KCNK2: variants seen among roughly 807,000 people sequenced by gnomAD.
KCNK2 encodes the protein potassium two pore domain channel subfamily K member 2, also known as potassium channel subfamily K member 2.
KCNK2 carries 21 observed loss-of-function variants against 40.5 expected under a neutral mutation model. The observed-to-expected ratio is 0.52, with a 90% CI of 0.37 to 0.75. The LOEUF is 0.75. KCNK2 is among the 30% of genes least tolerant of loss of function. The pLI is 0.00. For missense variants in KCNK2, 399 were observed against 531.6 expected, an observed-to-expected ratio of 0.75 and a Z score of 2.45; for synonymous variants, 191 against 202.2, an observed-to-expected ratio of 0.94 and a Z score of 0.47.
intron 6 of KCNK2, among the ~76,000 whole-genome samples, chr1:215,205,676 C>A (rs1275250997): frequency 6.6e-6 from 1 of 152,154 alleles, no homozygotes; most frequent in Non-Finnish European, 1.5e-5. Flanking sequence ...CCCCTGCTGA[C>A]TTGTTGTGGA....
At chr1:215,234,109 C>T (rs1044909058) in intron 6 of KCNK2, among the ~76,000 whole-genome samples, 4 of 152,184 alleles carry the variant, frequency 2.6e-5, no homozygotes, top group South Asian at 2.1e-4. Context: ...AGTAACTTCA[C>T]GGATTCCACA....
chr1:215,121,105 A>G (rs1053451320), intron 2 of KCNK2, among the ~76,000 whole-genome samples: 3 of 152,198 alleles, frequency 2.0e-5, no homozygotes, highest in Admixed American at 2.0e-4. Flanking sequence ...AAAATCAATA[A>G]TATATAGCTA....
At chr1:215,140,511 C>T (rs1186867749) in intron 3 of KCNK2, among the ~76,000 whole-genome samples, 1 of 152,184 alleles carries the variant, frequency 6.6e-6, no homozygotes, top group Non-Finnish European at 1.5e-5. Context: ...TTCTAGGCTA[C>T]AGACAGGTGC....
At chr1:215,193,588 C>G (rs570068745) in intron 5 of KCNK2, among the ~76,000 whole-genome samples, 1 of 152,130 alleles carries the variant, frequency 6.6e-6, no homozygotes, top group Non-Finnish European at 1.5e-5. Context: ...TTCTTGCCAT[C>G]TCTGCCCTAT....
At chr1:215,134,231 C>A (rs577537468) in intron 3 of KCNK2, among the ~76,000 whole-genome samples, 1 of 152,240 alleles carries the variant, frequency 6.6e-6, no homozygotes, top group East Asian at 1.9e-4. Flanking sequence ...TACTTCAATT[C>A]AATTCTGACA....
At chr1:215,165,386 C>T (rs1211905015) in intron 3 of KCNK2, among the ~76,000 whole-genome samples, 1 of 152,084 alleles carries the variant, frequency 6.6e-6, no homozygotes, top group Non-Finnish European at 1.5e-5. Context: ...GCCATTGTCC[C>T]TTATAAAGAA....
At chr1:215,144,385 G>A (rs1662322317) in intron 3 of KCNK2, among the ~76,000 whole-genome samples, 1 of 152,074 alleles carries the variant, frequency 6.6e-6, no homozygotes. Flanking sequence ...TTCAGGATCT[G>A]TATAGTTACA....
intron 3 of KCNK2, among the ~76,000 whole-genome samples, chr1:215,134,488 T>C (rs1571650690): frequency 6.6e-6 from 1 of 152,208 alleles, no homozygotes; most frequent in African/African-American, 2.4e-5. Context: ...ACAACCTCTC[T>C]GGGATACATC....
upstream of KCNK2, chr1:215,005,783 C>A: frequency 1.4e-6 from 1 of 731,608 alleles, no homozygotes; most frequent in Non-Finnish European, 2.4e-6. Flanking sequence ...GTAACATTCA[C>A]ACACAAAAAG....
intron 1 of KCNK2, among the ~76,000 whole-genome samples, chr1:215,007,287 A>T (rs927757203): frequency 2.8e-5 from 4 of 141,326 alleles, no homozygotes; most frequent in African/African-American, 1.1e-4. Flanking sequence ...GGGACTTGGG[A>T]TCAGCACTTC....
At position 215,235,275 on chromosome 1, in the gene KCNK2, T is replaced by C. The variant is rs1666835633; in HGVS notation, c.*130T>C. 8.8e-6 allele frequency: 6 copies of C among 685,698 alleles called. No individual in the cohort carries two copies. Among genetic ancestry groups the C allele is most frequent in the Non-Finnish European group, 1.4e-5 (6 of 418,574 alleles). 42.5% of individuals were successfully genotyped at this position (685,698 alleles called of 1,614,324 possible). ...GGGAACAAAATAGATACACCCATCATGGTCATCTATCATCAAGAGAATTTG... is the reference window on the plus strand; with the variant it reads ...GGGAACAAAATAGATACACCCATCACGGTCATCTATCATCAAGAGAATTTG... On this transcript the variant is annotated 3_prime_UTR_variant, in exon 7 of 7. Transcript: ENST00000444842.
chr1:215,209,437 A>ATATAT (rs1335692557), intron 6 of KCNK2, among the ~76,000 whole-genome samples: 2 of 10,858 alleles, frequency 1.8e-4, no homozygotes, highest in Non-Finnish European at 3.4e-4. Flanking sequence ...ATATAATATA[A>ATATAT]AATATATAAT....
At chr1:215,135,216 C>T (rs919710471) in intron 3 of KCNK2, among the ~76,000 whole-genome samples, 1 of 152,084 alleles carries the variant, frequency 6.6e-6, no homozygotes, top group Admixed American at 6.5e-5. Flanking sequence ...CATCAGATTT[C>T]ACTTCAGAAA....
intron 1 of KCNK2, among the ~76,000 whole-genome samples, chr1:215,072,446 A>C (rs1658791317): frequency 6.6e-6 from 1 of 152,222 alleles, no homozygotes; most frequent in Non-Finnish European, 1.5e-5. Flanking sequence ...ATTTGCCATA[A>C]ACAATGTTTA....
At chr1:215,069,253 T>C (rs1266597878) in intron 1 of KCNK2, among the ~76,000 whole-genome samples, 1 of 152,220 alleles carries the variant, frequency 6.6e-6, no homozygotes, top group African/African-American at 2.4e-5. Flanking sequence ...GTTGGCCGCA[T>C]CCTGGTAAGG....
chr1:215,132,642 G>T (rs1331455218), intron 3 of KCNK2, among the ~76,000 whole-genome samples: 1 of 151,922 alleles, frequency 6.6e-6, no homozygotes, highest in Non-Finnish European at 1.5e-5. Flanking sequence ...TTTATTTTGT[G>T]TTATTTATCC....
intron 6 of KCNK2, among the ~76,000 whole-genome samples, chr1:215,218,991 T>C (rs1398185547): frequency 6.6e-6 from 1 of 152,220 alleles, no homozygotes; most frequent in Non-Finnish European, 1.5e-5. Context: ...AGAAATGTGA[T>C]TTGTATGCTT....
At chr1:215,031,702 A>G (rs1009617292) in intron 1 of KCNK2, among the ~76,000 whole-genome samples, 4 of 152,190 alleles carry the variant, frequency 2.6e-5, no homozygotes, top group Admixed American at 6.5e-5. Flanking sequence ...TTTAATTTCA[A>G]ATTCCACTTG....
chr1:215,233,137 T>C (rs1284925321), intron 6 of KCNK2, among the ~76,000 whole-genome samples: 1 of 152,114 alleles, frequency 6.6e-6, no homozygotes. Flanking sequence ...TTCCTGTAGA[T>C]TTGCACCTCT....
Sources: gnomAD v4.1 joint callset for allele counts (sites outside exome capture counted in the v4.1 genomes callset) on GRCh38, gnomAD v4.1.1 for gene constraint, MANE v1.5 for transcripts, NCBI Gene and HGNC (gene_info 2026-07-23, HGNC 2026-07-21) for gene names.